The following TSPAN18 variants were observed in gnomAD, a reference collection of about 807,000 sequenced individuals.
TSPAN18 encodes the protein tetraspanin-18.
Under a neutral mutation model 27.3 loss-of-function variants are expected in TSPAN18, and 14 were observed. The ratio of observed to expected loss-of-function variants is 0.51; its 90% CI spans 0.34 to 0.80. TSPAN18 has a LOEUF of 0.80. Ranked by LOEUF, TSPAN18 falls within the 30% of genes least tolerant of loss-of-function variation. The pLI is 0.01. For missense variants in TSPAN18, 268 were observed against 323.9 expected (o/e 0.83, Z 1.32); for synonymous variants, 143 against 136.5 (o/e 1.05, Z -0.33).
At chr11:44,758,139 A>G (rs1425751432) in intron 1 of TSPAN18, among the ~76,000 whole-genome samples, 3 of 152,228 alleles carry the variant, frequency 2.0e-5, no homozygotes, top group Admixed American at 6.5e-5. Context: ...ATCTTAGAAG[A>G]AAAGCTTTCA....
intron 2 of TSPAN18, among the ~76,000 whole-genome samples, chr11:44,851,615 T>TCCCC (rs35373492): frequency 9.8e-5 from 12 of 122,750 alleles, no homozygotes; most frequent in Non-Finnish European, 1.6e-4. Flanking sequence ...TCTTGTCACC[T>TCCCC]CCCCCCCCCA....
chr11:44,741,992 A>C (rs1356557793), intron 1 of TSPAN18, among the ~76,000 whole-genome samples: 1 of 151,632 alleles, frequency 6.6e-6, no homozygotes, highest in Non-Finnish European at 1.5e-5. Flanking sequence ...CACCAGACCC[A>C]TATACGTTGT....
At chr11:44,812,084 C>T (rs534927267) in intron 2 of TSPAN18, among the ~76,000 whole-genome samples, 36 of 152,318 alleles carry the variant, frequency 2.4e-4, no homozygotes, top group African/African-American at 8.7e-4. Context: ...ACACGCTTAC[C>T]TCCCAGGTCT....
rs55970649 is a variant in TSPAN18, at chr11:44,814,689, C to CCATCCATCCAT, written c.-152-45638_-152-45637insATCCATCCATC. On this transcript the variant is annotated intron_variant, in intron 2 of 9. Transcript: ENST00000520358. ...ATCCATCCATCCATCCATCCATCCA[C>CCATCCATCCAT]CCACCCACCCACTCATTCATCAATG... Among the ~76,000 whole-genome samples the CCATCCATCCAT allele has an allele frequency of 3.8e-3, 547 of 144,456 alleles. 2 individuals are homozygous for CCATCCATCCAT. Among genetic ancestry groups the CCATCCATCCAT allele is most frequent in the East Asian group, 0.027 (130 of 4,784 alleles). 94.8% of individuals were successfully genotyped at this position (144,456 alleles called of 152,430 possible).
intron 1 of TSPAN18, among the ~76,000 whole-genome samples, chr11:44,729,728 T>G (rs575742712): frequency 6.6e-6 from 1 of 152,042 alleles, no homozygotes; most frequent in African/African-American, 2.4e-5. Context: ...TGGGGTTGGG[T>G]TTAGGACACC....
chr11:44,757,747 T>A (rs1277214626), intron 1 of TSPAN18, among the ~76,000 whole-genome samples: 1 of 152,232 alleles, frequency 6.6e-6, no homozygotes, highest in African/African-American at 2.4e-5. Flanking sequence ...TATTTTCATA[T>A]ATTTATTGAC....
intron 3 of TSPAN18, among the ~76,000 whole-genome samples, chr11:44,861,404 G>A (rs73454505): frequency 0.21 from 30,541 of 142,716 alleles, 3,572 homozygotes; most frequent in South Asian, 0.33. Context: ...GGTGGGGTGC[G>A]GGTGGTGCTG....
At chr11:44,741,613 G>GGT (rs1854938349) in intron 1 of TSPAN18, among the ~76,000 whole-genome samples, 1 of 152,194 alleles carries the variant, frequency 6.6e-6, no homozygotes, top group African/African-American at 2.4e-5. Context: ...CGTGCTGCTA[G>GGT]AAGGAAGTTC....
chr11:44,794,010 G>C (rs183503821), intron 2 of TSPAN18, among the ~76,000 whole-genome samples: 1 of 152,296 alleles, frequency 6.6e-6, no homozygotes, highest in Non-Finnish European at 1.5e-5. Context: ...ATCTGTCAGC[G>C]GGTGGGACTT....
chr11:44,802,793 CA>C (rs1856511734), intron 2 of TSPAN18, among the ~76,000 whole-genome samples: 1 of 152,148 alleles, frequency 6.6e-6, no homozygotes, highest in Non-Finnish European at 1.5e-5. Flanking sequence ...ATAGTGAAAG[CA>C]AAATAATACA....
chr11:44,830,415 C>T (rs1268684596), intron 2 of TSPAN18, among the ~76,000 whole-genome samples: 1 of 152,196 alleles, frequency 6.6e-6, no homozygotes, highest in Admixed American at 6.5e-5. Flanking sequence ...TTGCGTGGTA[C>T]TTGGCATAAA....
At chr11:44,831,804 C>T (rs1225035424) in intron 2 of TSPAN18, among the ~76,000 whole-genome samples, 1 of 152,044 alleles carries the variant, frequency 6.6e-6, no homozygotes, top group Non-Finnish European at 1.5e-5. Flanking sequence ...GCCGAGAAGG[C>T]AGGGTGTGGC....
chr11:44,853,023 G>A (rs1016154086), intron 2 of TSPAN18, among the ~76,000 whole-genome samples: 1 of 152,180 alleles, frequency 6.6e-6, no homozygotes, highest in Non-Finnish European at 1.5e-5. Context: ...CTATACTAAC[G>A]CCCTAAGAAA....
At chr11:44,741,420 G>T (rs942248675) in intron 1 of TSPAN18, among the ~76,000 whole-genome samples, 2 of 150,776 alleles carry the variant, frequency 1.3e-5, no homozygotes, top group African/African-American at 4.9e-5. Flanking sequence ...ACTCACAAAG[G>T]TCTATTCAAA....
At chr11:44,908,744 A>AAGAGAGAG (rs56785088) in intron 4 of TSPAN18, among the ~76,000 whole-genome samples, 4 of 90,550 alleles carry the variant, frequency 4.4e-5, no homozygotes, top group African/African-American at 1.4e-4. Flanking sequence ...AAAAGAAAGA[A>AAGAGAGAG]AGAGAGAGAG....
chr11:44,828,366 A>C (rs1429660755), intron 2 of TSPAN18, among the ~76,000 whole-genome samples: 1 of 152,132 alleles, frequency 6.6e-6, no homozygotes, highest in African/African-American at 2.4e-5. Context: ...GAGAGATGGA[A>C]GCCTCGATCT....
chr11:44,799,335 A>G (rs1856423593), intron 2 of TSPAN18, among the ~76,000 whole-genome samples: 1 of 152,154 alleles, frequency 6.6e-6, no homozygotes, highest in Admixed American at 6.5e-5. Context: ...CGGAGCGGCC[A>G]CTGCCCTTGC....
At chr11:44,926,637 C>T (rs764864140) in intron 8 of TSPAN18, 37 bp from the exon 9 acceptor site, 2 of 1,597,074 alleles carry the variant, frequency 1.3e-6, no homozygotes, top group South Asian at 2.2e-5. Context: ...GACTCTCAAC[C>T]CTGGCCATAG....
At chr11:44,839,151 G>A (rs1214761288) in intron 2 of TSPAN18, among the ~76,000 whole-genome samples, 1 of 152,174 alleles carries the variant, frequency 6.6e-6, no homozygotes, top group Non-Finnish European at 1.5e-5. Flanking sequence ...TTTCCAACCC[G>A]ACTGTTTACC....
Sources: allele counts gnomAD v4.1 joint callset (sites outside exome capture counted in the v4.1 genomes callset), GRCh38; gene constraint gnomAD v4.1.1; transcripts MANE v1.5; gene names NCBI Gene and HGNC (gene_info 2026-07-23, HGNC 2026-07-21).